Variants in DNAJB11 observed in about 807,000 individuals in gnomAD.
DNAJB11 encodes the protein DnaJ heat shock protein family (Hsp40) member B11.
Under a neutral mutation model 47.2 loss-of-function variants are expected in DNAJB11, and 30 were observed. The observed-to-expected ratio is 0.64, with a 90% CI of 0.48 to 0.86. The LOEUF is 0.86. Ranked by LOEUF, DNAJB11 falls within the 40% of genes least tolerant of loss-of-function variation. DNAJB11 has a pLI of 0.00. For missense variants in DNAJB11, 357 were observed against 440.2 expected (o/e 0.81, Z 1.69); for synonymous variants, 151 against 159.9 (o/e 0.94, Z 0.42).
intron 3 of DNAJB11, among the ~76,000 whole-genome samples, chr3:186,576,157 C>T (rs1479092374): frequency 1.3e-5 from 2 of 152,228 alleles, no homozygotes; most frequent in Non-Finnish European, 2.9e-5. Flanking sequence ...ATCTAGCCAA[C>T]CATATCAGTT....
intron 6 of DNAJB11, 49 bp downstream of exon 6, chr3:186,582,126 T>C (rs201578569): frequency 2.2e-6 from 3 of 1,381,368 alleles, no homozygotes; most frequent in South Asian, 2.4e-5. Context: ...TTTTGCTCTC[T>C]GCTTGTTTGT....
At chr3:186,581,303 G>T in intron 4 of DNAJB11, 68 bp from the exon 5 acceptor site, 1 of 1,568,998 alleles carries the variant, frequency 6.4e-7, no homozygotes, top group Non-Finnish European at 8.7e-7. Context: ...GCAGAGCCTT[G>T]ATCAATTGAG....
intron 6 of DNAJB11, among the ~76,000 whole-genome samples, chr3:186,582,385 T>C (rs926998247): frequency 4.6e-5 from 7 of 152,204 alleles, no homozygotes; most frequent in African/African-American, 1.4e-4. Flanking sequence ...TATGTAACTC[T>C]AGTTGGCATT....
chr3:186,570,921 C>A lies in DNAJB11; in HGVS notation c.24C>A (p.Thr8=). Residue 8 remains threonine (T), a synonymous_variant, in exon 1 of 10, where the codon ACC becomes ACA. Transcript: ENST00000265028. ...CCATGGCTCCGCAGAACCTGAGCACCTTTTGCCTGTTGCTGCTATACCTCA... is the reference window on the plus strand; with the variant it reads ...CCATGGCTCCGCAGAACCTGAGCACATTTTGCCTGTTGCTGCTATACCTCA... The part of the protein sequence containing the change: MAPQNLS[T]FCLLLLYLIG... The A allele has an allele frequency of 6.3e-7, 1 of 1,580,206 alleles. No homozygotes were observed. Among genetic ancestry groups the A allele is most frequent in the Non-Finnish European group, 8.6e-7 (1 of 1,159,806 alleles).
In DNAJB11 at chr3:186,581,525, C is replaced by T. The variant is rs754230297; in HGVS notation, c.599+12C>T. The stretch of plus-strand genomic sequence containing the variant: ...TGCCCTAATGTCAAGTAAGTGAAAG[C>T]ACCTTCTTTGTTCTACCAAGAAACA... On this transcript the variant is annotated intron_variant, in intron 5 of 9. Coordinates refer to ENST00000265028, the MANE Select transcript of DNAJB11 (RefSeq NM_016306.6). 6.2e-7 allele frequency: 1 copy of T among 1,610,668 alleles called. No individual in the cohort carries two copies. The highest frequency in any genetic ancestry group is 2.2e-5 in the East Asian group (1 of 44,776).
chr3:186,577,903 G>A, intron 4 of DNAJB11, 103 bp downstream of exon 4: 3 of 1,003,748 alleles, frequency 3.0e-6, no homozygotes, highest in Non-Finnish European at 4.2e-6. Flanking sequence ...TTGAGGGTAA[G>A]AGAGAGTGAT....
intron 3 of DNAJB11, among the ~76,000 whole-genome samples, chr3:186,576,861 C>G (rs1715317678): frequency 1.3e-5 from 2 of 152,084 alleles, no homozygotes; most frequent in Admixed American, 1.3e-4. Context: ...TTTCCCCTTG[C>G]CTTTATTTAA....
In DNAJB11 at chr3:186,582,783, C is replaced by G; in HGVS notation, c.740+10C>G. The stretch of plus-strand genomic sequence containing the variant: ...GAATCAAAGTTGTCAAGTAAGTAAT[C>G]TAATTTTAGAGGTCTTCTCAGATGA... On this transcript the variant is annotated intron_variant, in intron 7 of 9. Coordinates refer to ENST00000265028, the MANE Select transcript of DNAJB11 (RefSeq NM_016306.6). 2 of 1,567,316 alleles carry G rather than the reference C, an allele frequency of 1.3e-6. No individual in the cohort carries two copies. Among genetic ancestry groups the G allele is most frequent in the Non-Finnish European group, 1.7e-6 (2 of 1,153,030 alleles).
intron 1 of DNAJB11, among the ~76,000 whole-genome samples, chr3:186,571,818 G>T (rs1715068782): frequency 6.6e-6 from 1 of 152,214 alleles, no homozygotes; most frequent in African/African-American, 2.4e-5. Context: ...TTTCTTGACC[G>T]AAGGTGGTTC....
chr3:186,575,368 C>CGCGCGCGCGTGTGT (rs1406330956), intron 2 of DNAJB11, among the ~76,000 whole-genome samples: 1 of 143,358 alleles, frequency 7.0e-6, no homozygotes, highest in Non-Finnish European at 1.5e-5. Context: ...CGCGCGCGCG[C>CGCGCGCGCGTGTGT]GTGTGTGTGT....
At chr3:186,581,097 A>C in intron 4 of DNAJB11, 2 of 339,210 alleles carry the variant, frequency 5.9e-6, no homozygotes, top group Non-Finnish European at 1.1e-5. Context: ...TGCTGATATC[A>C]TACACTTTAT....
chr3:186,581,640 T>C lies in DNAJB11; in HGVS notation c.599+127T>C, dbSNP rs573635240. The stretch of plus-strand genomic sequence containing the variant: ...CCCACTGCCATGTTCTGCAAAAGGA[T>C]AGAGCAAAACAATGTACATTTTTTT... On this transcript the variant is annotated intron_variant, in intron 5 of 9. Transcript: ENST00000265028. 8 of 1,113,948 alleles carry C rather than the reference T, an allele frequency of 7.2e-6. No homozygotes were observed. The East Asian group carries it at 7.7e-5, about 11-fold the overall frequency. The allele number at this position is 1,113,948 out of a possible 1,614,324, so 69.0% of individuals were successfully genotyped here.
In DNAJB11 at chr3:186,570,919, A is replaced by G. The variant is rs2108471414; in HGVS notation, c.22A>G (p.Thr8Ala). MAPQNLSTFCLLLLYLIG... is the reference protein window; with the variant it reads MAPQNLSAFCLLLLYLIG... ...AACCATGGCTCCGCAGAACCTGAGC[A>G]CCTTTTGCCTGTTGCTGCTATACCT... Residue 8 changes from threonine to alanine, a missense_variant, in exon 1 of 10, where the codon ACC becomes GCC. Thr to Ala is a moderately conservative substitution (Grantham distance 58). Coordinates refer to ENST00000265028, the MANE Select transcript of DNAJB11 (RefSeq NM_016306.6). The G allele has an allele frequency of 1.2e-6, 2 of 1,601,756 alleles. No homozygotes were observed. Among genetic ancestry groups the G allele is most frequent in the Admixed American group, 3.4e-5 (2 of 58,578 alleles).
At chr3:186,585,289 G>A (rs576300944) in intron 9 of DNAJB11, 55 bp from the exon 10 acceptor site, 115 of 1,443,680 alleles carry the variant, frequency 8.0e-5, no homozygotes, top group East Asian at 6.0e-4. Context: ...CTCTTTAAAC[G>A]CTAGGAAAGT....
At position 186,575,638 on chromosome 3, in the gene DNAJB11, A is replaced by G. The variant is rs150544935; in HGVS notation, c.226-202A>G. Among the ~76,000 whole-genome samples, 586 of 152,346 alleles carry G rather than the reference A, an allele frequency of 3.8e-3. 5 individuals carry two copies. Among genetic ancestry groups the G allele is most frequent in the African/African-American group, 0.013 (559 of 41,586 alleles). On this transcript the variant is annotated intron_variant, in intron 2 of 9. Transcript: ENST00000265028. ...TTAAATTAAAAACATGAATGGAGCA[A>G]TGTGGAATGAACAGTGCATCAAAGA...
intron 9 of DNAJB11, among the ~76,000 whole-genome samples, chr3:186,585,033 G>T (rs1211031828): frequency 6.6e-6 from 1 of 152,176 alleles, no homozygotes; most frequent in African/African-American, 2.4e-5. Flanking sequence ...AGAGGATACA[G>T]AAGAAGGAAT....
rs1307670726 is a variant in DNAJB11, at chr3:186,572,295, C to G, written c.225+44C>G. 2.6e-6 allele frequency: 4 copies of G among 1,541,366 alleles called. No homozygotes were observed. The African/African-American group carries it at 5.6e-5, about 21-fold the overall frequency. On this transcript the variant is annotated intron_variant, in intron 2 of 9. Transcript: ENST00000265028. ...TAAAGTACGAATAAAATCTGTAGCT[C>G]TAGAAAAAACATACAATACAGAGAA...
rs1553850800 is a variant in DNAJB11 at position 186,584,602 on chromosome 3, AGT to A, written c.1012+32_1012+33del. The A allele has an allele frequency of 7.5e-6, 11 of 1,470,286 alleles. No individual in the cohort carries two copies. The highest frequency in any genetic ancestry group is 1.9e-4 in the Middle Eastern group (1 of 5,334). 91.1% of individuals were successfully genotyped at this position (1,470,286 alleles called of 1,614,324 possible). A position where few individuals can be genotyped will look rare whatever the true frequency, so the allele number is the denominator to read the frequency against. On this transcript the variant is annotated intron_variant, in intron 9 of 9. Coordinates refer to ENST00000265028, the MANE Select transcript of DNAJB11 (RefSeq NM_016306.6). The stretch of plus-strand genomic sequence containing the variant: ...GAAGCGAGAGAAGGTATGGCATATT[AGT>A]GTGTGTGTGTGTGTGTGTTTGTGTG...
intron 1 of DNAJB11, 72 bp downstream of exon 1, chr3:186,571,037 G>GGGGGGGGT: frequency 1.1e-6 from 1 of 940,414 alleles, no homozygotes; most frequent in Non-Finnish European, 1.6e-6. Flanking sequence ...GGGGGTGGGG[G>GGGGGGGGT]AAGTGGCATT....
Sources: allele counts gnomAD v4.1 joint callset (sites outside exome capture counted in the v4.1 genomes callset), GRCh38; gene constraint gnomAD v4.1.1; transcripts MANE v1.5; gene names NCBI Gene and HGNC (gene_info 2026-07-23, HGNC 2026-07-21).